The following PPA2 variants were observed in gnomAD, a reference collection of about 807,000 sequenced individuals.
PPA2 encodes the protein inorganic pyrophosphatase 2, mitochondrial.
Under a neutral mutation model 49.5 loss-of-function variants are expected in PPA2, and 48 were observed. The ratio of observed to expected loss-of-function variants is 0.97; its 90% CI spans 0.77 to 1.23. The LOEUF is 1.23. Ranked by LOEUF, PPA2 falls within the 50% of genes most tolerant of loss-of-function variation. PPA2 has a pLI of 0.00. For missense variants in PPA2, 429 were observed against 410.1 expected, an observed-to-expected ratio of 1.05 and a Z score of -0.40; for synonymous variants, 131 against 139.9, an observed-to-expected ratio of 0.94 and a Z score of 0.45.
chr4:105,450,526 G>T (rs573596571), intron 3 of PPA2, among the ~76,000 whole-genome samples: 11 of 149,972 alleles, frequency 7.3e-5, no homozygotes, highest in African/African-American at 2.7e-4. Flanking sequence ...ACAGGTGCCC[G>T]CCAGCACGCC....
At chr4:105,444,480 A>G (rs1724516185) in intron 5 of PPA2, among the ~76,000 whole-genome samples, 1 of 152,182 alleles carries the variant, frequency 6.6e-6, no homozygotes, top group South Asian at 2.1e-4. Flanking sequence ...TGCAGGGTGA[A>G]TAATGAATTA....
At position 105,449,344 on chromosome 4, in the gene PPA2, C is replaced by A. The variant is rs767370442; in HGVS notation, c.321+6G>T. ...TCGGTTTCATATTAATAAAGTATAT[C>A]GGTACCTCCATTTTAGCATTTGTCC... is the stretch of plus-strand genomic sequence containing the variant. On this transcript the variant is annotated splice_donor_region_variant and intron_variant, in intron 4 of 11. Coordinates refer to ENST00000341695, the MANE Select transcript of PPA2 (RefSeq NM_176869.3). The A allele has an allele frequency of 6.5e-6, 10 of 1,535,022 alleles. No homozygotes were observed. The highest frequency in any genetic ancestry group is 8.9e-6 in the Non-Finnish European group (10 of 1,118,652).
At chr4:105,404,567 G>A (rs1722373275) in intron 7 of PPA2, among the ~76,000 whole-genome samples, 1 of 152,060 alleles carries the variant, frequency 6.6e-6, no homozygotes, top group African/African-American at 2.4e-5. Flanking sequence ...GTATCACTTT[G>A]GGAAAAATGT....
intron 9 of PPA2, among the ~76,000 whole-genome samples, chr4:105,394,399 A>G (rs1578812070): frequency 7.3e-6 from 1 of 136,504 alleles, no homozygotes; most frequent in African/African-American, 2.5e-5. Context: ...AAGAAAGAAA[A>G]AAAAAGAGAG....
At chr4:105,391,073 A>G (rs1199351165) in intron 9 of PPA2, among the ~76,000 whole-genome samples, 1 of 152,062 alleles carries the variant, frequency 6.6e-6, no homozygotes, top group Non-Finnish European at 1.5e-5. Flanking sequence ...TCCTCAGCAA[A>G]CTAATGCAGG....
Position 105,438,837 on chromosome 4 carries a change from A to C in PPA2, c.442-801T>G, listed in dbSNP as rs575039441. On this transcript the variant is annotated intron_variant, in intron 5 of 11. Transcript: ENST00000341695. ...AAGGGATACAGAGACCGTCATCCCA[A>C]GAATCAGATTATCATTATTATCTAA... is the stretch of plus-strand genomic sequence containing the variant. 7.8e-4 allele frequency among the ~76,000 whole-genome samples: 119 copies of C among 152,328 alleles called. No homozygotes were observed. In the Middle Eastern group the frequency reaches 0.01, roughly 13 times the overall value.
intron 9 of PPA2, among the ~76,000 whole-genome samples, chr4:105,388,912 T>A (rs1733792097): frequency 6.6e-6 from 1 of 152,044 alleles, no homozygotes; most frequent in Non-Finnish European, 1.5e-5. Flanking sequence ...AGGAGATTCT[T>A]GTAAGATAAA....
intron 5 of PPA2, among the ~76,000 whole-genome samples, chr4:105,445,434 C>T (rs913311999): frequency 6.6e-6 from 1 of 152,026 alleles, no homozygotes; most frequent in African/African-American, 2.4e-5. Context: ...AAGAATGTAT[C>T]CATGTGGGTG....
chr4:105,394,358 A>G (rs1311455973), intron 9 of PPA2, among the ~76,000 whole-genome samples: 2 of 144,400 alleles, frequency 1.4e-5, no homozygotes, highest in Non-Finnish European at 3.0e-5. Flanking sequence ...TGGGCAATAG[A>G]GCAAGATTCC....
intron 4 of PPA2, among the ~76,000 whole-genome samples, chr4:105,448,353 A>T (rs1223765429): frequency 6.6e-6 from 1 of 152,224 alleles, no homozygotes; most frequent in East Asian, 1.9e-4. Context: ...TGAAAAATAT[A>T]CACCTACATA....
At chr4:105,434,255 G>A (rs2110284836) in intron 6 of PPA2, among the ~76,000 whole-genome samples, 1 of 152,318 alleles carries the variant, frequency 6.6e-6, no homozygotes, top group South Asian at 2.1e-4. Flanking sequence ...GTCTTCAGGA[G>A]GGTATGGCAC....
chr4:105,418,559 G>C (rs146733780), intron 7 of PPA2, among the ~76,000 whole-genome samples: 251 of 152,070 alleles, frequency 1.7e-3, no homozygotes, highest in African/African-American at 5.7e-3. Flanking sequence ...ATGTCAGAAC[G>C]GTCTCATTTT....
At chr4:105,467,783 A>C (rs1022639952) in intron 1 of PPA2, among the ~76,000 whole-genome samples, 1 of 138,612 alleles carries the variant, frequency 7.2e-6, no homozygotes, top group Non-Finnish European at 1.5e-5. Context: ...AGGTGACAAG[A>C]AGAATGCCCA....
chr4:105,471,736 CAGGTAGT>C (rs1723531716), intron 1 of PPA2, among the ~76,000 whole-genome samples: 1 of 152,180 alleles, frequency 6.6e-6, no homozygotes, highest in East Asian at 1.9e-4. Flanking sequence ...CCCCTTCTAG[CAGGTAGT>C]AAACAGTCCT....
At chr4:105,426,252 T>C (rs929532035) in intron 6 of PPA2, among the ~76,000 whole-genome samples, 17 of 152,220 alleles carry the variant, frequency 1.1e-4, no homozygotes, top group Non-Finnish European at 2.5e-4. Context: ...CCGTCTACAG[T>C]TCCCAGTGAG....
intron 7 of PPA2, among the ~76,000 whole-genome samples, chr4:105,418,714 G>A (rs1379131826): frequency 6.6e-6 from 1 of 152,146 alleles, no homozygotes; most frequent in African/African-American, 2.4e-5. Flanking sequence ...ACAGACAATA[G>A]TTTTCATTTA....
At chr4:105,465,290 T>C (rs1363662661) in intron 1 of PPA2, among the ~76,000 whole-genome samples, 2 of 152,252 alleles carry the variant, frequency 1.3e-5, no homozygotes, top group Non-Finnish European at 2.9e-5. Context: ...TTCGTGTTTC[T>C]AATTATCTTT....
Position 105,386,281 on chromosome 4 carries a change from T to C in PPA2, c.939+286A>G, listed in dbSNP as rs114945266. Reference sequence around the variant, plus strand: ...AGATACAACAGTACAGAGGAGAGCATATTTATATAAACAATAATAAACGGA... The same window carrying C: ...AGATACAACAGTACAGAGGAGAGCACATTTATATAAACAATAATAAACGGA... On this transcript the variant is annotated intron_variant, in intron 10 of 11. Coordinates refer to ENST00000341695, the MANE Select transcript of PPA2 (RefSeq NM_176869.3). Among the ~76,000 whole-genome samples the C allele has an allele frequency of 0.016, 2,375 of 152,242 alleles. 54 individuals carry two copies. The highest frequency in any genetic ancestry group is 0.054 in the African/African-American group (2,246 of 41,528).
intron 1 of PPA2, among the ~76,000 whole-genome samples, chr4:105,471,139 T>C (rs750624057): frequency 2.0e-5 from 3 of 152,216 alleles, no homozygotes; most frequent in Non-Finnish European, 4.4e-5. Flanking sequence ...GAAAACCTAA[T>C]AATATACCAT....
Sources: gnomAD v4.1 joint callset for allele counts (sites outside exome capture counted in the v4.1 genomes callset) on GRCh38, gnomAD v4.1.1 for gene constraint, MANE v1.5 for transcripts, NCBI Gene and HGNC (gene_info 2026-07-23, HGNC 2026-07-21) for gene names.